Variants in TCF4 observed in about 807,000 individuals in gnomAD.
TCF4 encodes the protein SL3-3 enhancer factor 2.
In TCF4, 3 loss-of-function variants were observed where a neutral mutation model predicts 82.1. That is an observed-to-expected ratio of 0.04 (90% confidence interval 0.02 to 0.09). TCF4 has a LOEUF of 0.09. TCF4 is among the 10% of genes least tolerant of loss of function. The pLI, the probability that TCF4 is intolerant of heterozygous loss-of-function variation, is 1.00. For synonymous variants in TCF4, 276 were observed against 309.6 expected (o/e 0.89, Z 1.14); for missense variants, 518 against 852.7 (o/e 0.61, Z 4.89).
intron 3 of TCF4, among the ~76,000 whole-genome samples, chr18:55,517,201 G>A (rs1409175668): frequency 6.6e-6 from 1 of 152,166 alleles, no homozygotes; most frequent in African/African-American, 2.4e-5. Flanking sequence ...GACCAATGGA[G>A]TATCTGCAAG....
rs1357661685 is a variant in TCF4, at chr18:55,621,412, A to ATG, written c.286+9885_286+9886insCA. On this transcript the variant is annotated intron_variant, in intron 2 of 20. Transcript: ENST00000398339. The stretch of plus-strand genomic sequence containing the variant: ...CCTGGTATATGGGGTACTGCCTGAT[A>ATG]TATATATTATATATAATATATAAAA... Among the ~76,000 whole-genome samples the ATG allele has an allele frequency of 3.2e-4, 38 of 120,462 alleles. 2 individuals carry two copies. The highest frequency in any genetic ancestry group is 5.8e-4 in the Non-Finnish European group (35 of 60,832). 79.0% of individuals were successfully genotyped at this position (120,462 alleles called of 152,430 possible).
chr18:55,459,003 T>C (rs2095822431), intron 5 of TCF4, among the ~76,000 whole-genome samples: 1 of 152,094 alleles, frequency 6.6e-6, no homozygotes, highest in Non-Finnish European at 1.5e-5. Context: ...TTGTAAACAA[T>C]AAAGAGCCAT....
At chr18:55,420,727 T>C (rs577751627) in intron 5 of TCF4, among the ~76,000 whole-genome samples, 3 of 152,282 alleles carry the variant, frequency 2.0e-5, no homozygotes, top group Non-Finnish European at 4.4e-5. Flanking sequence ...AACCTGCTTT[T>C]TCACTTCTGC....
rs532909377 is a variant in TCF4 at position 55,260,129 on chromosome 18, A to C, written c.991-102T>G. ...CAACGCAATTCATTTAGAACTTACA[A>C]GTTACAGCATACATGTAATAATCAA... On this transcript the variant is annotated intron_variant, in intron 12 of 19. Transcript: ENST00000354452. The C allele has an allele frequency of 8.3e-6, 7 of 845,658 alleles. No individual in the cohort carries two copies. The East Asian group carries it at 1.5e-4, about 18-fold the overall frequency. 52.4% of individuals were successfully genotyped at this position (845,658 alleles called of 1,614,324 possible). A position where few individuals can be genotyped will look rare whatever the true frequency, so the allele number is the denominator to read the frequency against.
At chr18:55,232,746 G>A (rs896027774) in intron 16 of TCF4, 75 bp from the exon 17 acceptor site, 8 of 1,562,814 alleles carry the variant, frequency 5.1e-6, no homozygotes, top group Middle Eastern at 1.7e-4. Flanking sequence ...AAGGCTGCCA[G>A]CAGACAATTC....
chr18:55,623,646 A>G (rs118134308), intron 2 of TCF4, among the ~76,000 whole-genome samples: 3,226 of 152,182 alleles, frequency 0.021, 68 homozygotes, highest in Non-Finnish European at 0.026. Context: ...TAGTGGATCG[A>G]TATTTTTTTT....
intron 6 of TCF4, among the ~76,000 whole-genome samples, chr18:55,392,462 C>CAAAA (rs772409228): frequency 5.2e-5 from 5 of 95,496 alleles, no homozygotes; most frequent in Admixed American, 1.2e-4. Context: ...AACAACCCCA[C>CAAAA]AAAAAAAAAA....
At chr18:55,440,047 T>C (rs2095411130) in intron 5 of TCF4, among the ~76,000 whole-genome samples, 1 of 152,160 alleles carries the variant, frequency 6.6e-6, no homozygotes, top group Non-Finnish European at 1.5e-5. Flanking sequence ...GTGTCTATTC[T>C]TACACAGCAT....
At position 55,227,904 on chromosome 18, in the gene TCF4, T is replaced by C. The variant is rs2046811990; in HGVS notation, c.*131A>G. 3.6e-6 allele frequency: 1 copy of C among 276,786 alleles called. No individual in the cohort carries two copies. The highest frequency in any genetic ancestry group is 7.0e-6 in the Non-Finnish European group (1 of 143,172). 17.1% of individuals were successfully genotyped at this position (276,786 alleles called of 1,614,324 possible). A position where few individuals can be genotyped will look rare whatever the true frequency, so the allele number is the denominator to read the frequency against. On this transcript the variant is annotated 3_prime_UTR_variant, in exon 20 of 20. Coordinates refer to ENST00000354452, the MANE Select transcript of TCF4 (RefSeq NM_001083962.2). ...TGAAACCTCTTGCGTCTGCGATTCATAACTACTCAGACTTGTCTTATATTA... is the reference window on the plus strand; with the variant it reads ...TGAAACCTCTTGCGTCTGCGATTCACAACTACTCAGACTTGTCTTATATTA...
chr18:55,536,674 G>A (rs919887560), intron 3 of TCF4, among the ~76,000 whole-genome samples: 1 of 152,144 alleles, frequency 6.6e-6, no homozygotes, highest in Non-Finnish European at 1.5e-5. Flanking sequence ...TCCAAAGACT[G>A]CCGATAGAAA....
chr18:55,337,107 T>C (rs1203227299), intron 8 of TCF4, among the ~76,000 whole-genome samples: 1 of 152,092 alleles, frequency 6.6e-6, no homozygotes, highest in Admixed American at 6.6e-5. Flanking sequence ...AAATATGTGT[T>C]TAAATACTAG....
At chr18:55,594,276 C>T (rs910198650) in intron 2 of TCF4, among the ~76,000 whole-genome samples, 1 of 152,162 alleles carries the variant, frequency 6.6e-6, no homozygotes, top group Non-Finnish European at 1.5e-5. Context: ...AGTACTCAAT[C>T]GTATTATTCT....
At chr18:55,422,057 C>G (rs888608070) in intron 5 of TCF4, 2 of 442,474 alleles carry the variant, frequency 4.5e-6, no homozygotes. Context: ...TTCTCAAACT[C>G]TTACACTAAA....
At chr18:55,271,113 T>C (rs767148352) in intron 10 of TCF4, among the ~76,000 whole-genome samples, 11 of 152,080 alleles carry the variant, frequency 7.2e-5, no homozygotes, top group Non-Finnish European at 1.2e-4. Context: ...CTCTTGAGTG[T>C]TGCCCTGTTT....
rs966716941 is a variant in TCF4, at chr18:55,588,135, C to A, written c.-118G>T. ...CACCGCCGCCGCCTGCTCCTGCGCC[C>A]GCTCCCGCGCCTGCTGCCTCCCCGC... On this transcript the variant is annotated 5_prime_UTR_variant, in exon 1 of 20. Coordinates refer to ENST00000354452, the MANE Select transcript of TCF4 (RefSeq NM_001083962.2). 7 of 1,064,902 alleles carry A rather than the reference C, an allele frequency of 6.6e-6. No homozygotes were observed. Among genetic ancestry groups the A allele is most frequent in the Admixed American group, 1.1e-4 (2 of 17,752 alleles). The allele number at this position is 1,064,902 out of a possible 1,614,324, so 66.0% of individuals were successfully genotyped here. A position where few individuals can be genotyped will look rare whatever the true frequency, so the allele number is the denominator to read the frequency against.
intron 3 of TCF4, among the ~76,000 whole-genome samples, chr18:55,500,205 A>G (rs1372283482): frequency 2.6e-5 from 4 of 152,046 alleles, no homozygotes; most frequent in African/African-American, 7.2e-5. Flanking sequence ...CTTCAAATAC[A>G]TTTTGATTGT....
At chr18:55,536,800 A>C (rs182466297) in intron 3 of TCF4, among the ~76,000 whole-genome samples, 6 of 152,370 alleles carry the variant, frequency 3.9e-5, no homozygotes, top group Non-Finnish European at 5.9e-5. Flanking sequence ...GTATGTATGT[A>C]TATTACAAAG....
At chr18:55,348,456 T>C (rs1476486237) in intron 8 of TCF4, among the ~76,000 whole-genome samples, 2 of 152,140 alleles carry the variant, frequency 1.3e-5, no homozygotes, top group African/African-American at 4.8e-5. Flanking sequence ...AACAGAAAAT[T>C]AAATAGAATA....
At chr18:55,520,506 A>T (rs1033521060) in intron 3 of TCF4, among the ~76,000 whole-genome samples, 9 of 152,184 alleles carry the variant, frequency 5.9e-5, no homozygotes, top group Non-Finnish European at 1.2e-4. Context: ...GTTGTTTTTA[A>T]ATTCTCTGAT....
Sources: allele counts gnomAD v4.1 joint callset (sites outside exome capture counted in the v4.1 genomes callset), GRCh38; gene constraint gnomAD v4.1.1; transcripts MANE v1.5; gene names NCBI Gene and HGNC (gene_info 2026-07-23, HGNC 2026-07-21).